The following ZNF577 variants were observed in gnomAD, a reference collection of about 807,000 sequenced individuals.
The protein encoded by ZNF577 is zinc finger protein 577.
Under a neutral mutation model 13.9 loss-of-function variants are expected in ZNF577, and 14 were observed. The observed-to-expected ratio is 1.00, with a 90% CI of 0.66 to 1.57. ZNF577 has a LOEUF of 1.57. Ranked by LOEUF, ZNF577 falls within the 40% of genes most tolerant of loss-of-function variation. The pLI is 0.00. For synonymous variants in ZNF577, 203 were observed against 202.9 expected (o/e 1.00, Z 0.00); for missense variants, 555 against 579.2 (o/e 0.96, Z 0.43).
intron 3 of ZNF577, 187 bp from the exon 4 acceptor site, chr19:51,878,702 T>C (rs1007841446): frequency 2.2e-5 from 12 of 551,618 alleles, no homozygotes; most frequent in East Asian, 8.9e-5. Context: ...AGTACTAGCA[T>C]AGATATGAAA....
intron 9 of ZNF577, among the ~76,000 whole-genome samples, chr19:51,831,507 T>C (rs888530697): frequency 6.7e-5 from 10 of 149,722 alleles, no homozygotes; most frequent in African/African-American, 2.6e-4. Context: ...TCCTGTCCAC[T>C]ACCACCTGAC....
At chr19:51,859,851 G>A (rs10402988) in intron 5 of ZNF577, among the ~76,000 whole-genome samples, 40,732 of 151,784 alleles carry the variant, frequency 0.27, 7,712 homozygotes, top group African/African-American at 0.53. Flanking sequence ...TTGTTTCTTC[G>A]TGTAATTCCA....
chr19:51,845,782 G>A (rs1255547570), intron 5 of ZNF577, among the ~76,000 whole-genome samples: 1 of 152,158 alleles, frequency 6.6e-6, no homozygotes, highest in African/African-American at 2.4e-5. Flanking sequence ...GTTCATCTAT[G>A]TTGTCACCAA....
chr19:51,844,206 T>C (rs1206941153), intron 6 of ZNF577, among the ~76,000 whole-genome samples: 1 of 152,170 alleles, frequency 6.6e-6, no homozygotes, highest in Non-Finnish European at 1.5e-5. Context: ...ATTAACATAA[T>C]AATCTGCACA....
chr19:51,863,285 C>T (rs1228449513), downstream of ZNF577: 2 of 152,196 alleles, frequency 1.3e-5, no homozygotes, highest in African/African-American at 4.8e-5. Context: ...CAAGCTCTGA[C>T]TTCTGGATGT....
rs764990229 is a variant in ZNF577 at position 51,873,179 on chromosome 19, CAT to C, written c.809_810del (p.Tyr270TrpfsTer26). On this transcript the variant is annotated frameshift_variant, in exon 6 of 6. Coordinates refer to ENST00000638348, the MANE Select transcript of ZNF577 (RefSeq NM_001370449.1). LOFTEE classifies it low-confidence loss of function (END_TRUNC). The stretch of plus-strand genomic sequence containing the variant: ...AAGGCTTTCCCACACACACTGCACC[CAT>C]AGAGTTTCTCTCCAGTATGTGATCG... ...HQRSHTGEKL[Y>X]GCSVCGKAFS... 1.2e-6 allele frequency: 2 copies of C among 1,614,110 alleles called. No individual in the cohort carries two copies. Among genetic ancestry groups the C allele is most frequent in the South Asian group, 1.1e-5 (1 of 91,074 alleles).
Position 51,873,109 on chromosome 19 carries a change from C to A in ZNF577, c.881G>T (p.Gly294Val). 1 of 1,614,224 alleles carries A rather than the reference C, an allele frequency of 6.2e-7. No individual in the cohort carries two copies. Among genetic ancestry groups the A allele is most frequent in the Non-Finnish European group, 8.5e-7 (1 of 1,180,034 alleles). Residue 294 changes from glycine to valine, a missense_variant, in exon 6 of 6, where the codon GGA becomes GTA. Coordinates refer to ENST00000638348, the MANE Select transcript of ZNF577 (RefSeq NM_001370449.1). ...ATCACTGCATTTATAAGGCTTATCTCCTGTGTGAAGTCTCTGGTGTGCAGT... is the reference window on the plus strand; with the variant it reads ...ATCACTGCATTTATAAGGCTTATCTACTGTGTGAAGTCTCTGGTGTGCAGT... Reference protein sequence around the residue: ...YLTAHQRLHTGDKPYKCSDCG... With the variant: ...YLTAHQRLHTVDKPYKCSDCG...
intron 9 of ZNF577, chr19:51,817,825 C>A (rs1289078654): frequency 6.6e-6 from 1 of 152,198 alleles, no homozygotes; most frequent in Non-Finnish European, 1.5e-5. Context: ...AGAAAAGGAA[C>A]TCAGCTAGTG....
intron 2 of ZNF577, 30 bp downstream of exon 2, chr19:51,880,649 A>G: frequency 2.1e-6 from 1 of 486,512 alleles, no homozygotes. Context: ...ATTGGGAAAC[A>G]AACGACAAAA....
chr19:51,808,530 A>G (rs1361039571), intron 10 of ZNF577, among the ~76,000 whole-genome samples: 1 of 152,240 alleles, frequency 6.6e-6, no homozygotes, highest in Non-Finnish European at 1.5e-5. Flanking sequence ...ATGCTGACAT[A>G]GCGTAAGACT....
Position 51,870,038 on chromosome 19 carries a change from C to G in ZNF577, c.*2494G>C, listed in dbSNP as rs1304459653. On this transcript the variant is annotated 3_prime_UTR_variant, in exon 6 of 6. Transcript: ENST00000638348. The stretch of plus-strand genomic sequence containing the variant: ...TGGTAATTGCCTCCTTCTGGTCCCT[C>G]CCTGGGAGGATTAACATCCTAGGGG... Among the ~76,000 whole-genome samples the G allele has an allele frequency of 6.6e-6, 1 of 152,186 alleles. No individual in the cohort carries two copies. The highest frequency in any genetic ancestry group is 1.5e-5 in the Non-Finnish European group (1 of 68,020).
rs1012512517 is a variant in ZNF577, at chr19:51,869,043, G to A, written c.*3489C>T. 7.2e-5 allele frequency among the ~76,000 whole-genome samples: 11 copies of A among 152,202 alleles called. No individual in the cohort carries two copies. Among genetic ancestry groups the A allele is most frequent in the African/African-American group, 2.2e-4 (9 of 41,454 alleles). ...CTCTGCCCAAGAAAGCCTGGGTATCGTCCAAGGTTTCTCCCCACTGAGACA... is the reference window on the plus strand; with the variant it reads ...CTCTGCCCAAGAAAGCCTGGGTATCATCCAAGGTTTCTCCCCACTGAGACA... On this transcript the variant is annotated 3_prime_UTR_variant, in exon 6 of 6. Transcript: ENST00000638348.
intron 9 of ZNF577, among the ~76,000 whole-genome samples, chr19:51,813,119 A>AACACACACACACAC (rs35245083): frequency 1.3e-4 from 18 of 137,120 alleles, no homozygotes; most frequent in Non-Finnish European, 1.3e-4. Flanking sequence ...GCTCTGTCTC[A>AACACACACACACAC]ACACACACAC....
intron 5 of ZNF577, chr19:51,861,079 T>C: frequency 2.7e-6 from 1 of 376,258 alleles, no homozygotes; most frequent in Non-Finnish European, 5.0e-6. Context: ...TAATAAACTT[T>C]TTTGACAATC....
rs1236206596 is a variant in ZNF577 at position 51,869,741 on chromosome 19, C to T, written c.*2791G>A. On this transcript the variant is annotated 3_prime_UTR_variant, in exon 6 of 6. Coordinates refer to ENST00000638348, the MANE Select transcript of ZNF577 (RefSeq NM_001370449.1). ...CCAAAGGCAGATGTGTGCCAGAAAC[C>T]CCTACAGGGGCTAAACAGTCAAGAC... Among the ~76,000 whole-genome samples, 1 of 152,154 alleles carries T rather than the reference C, an allele frequency of 6.6e-6. No individual in the cohort carries two copies. The highest frequency in any genetic ancestry group is 1.5e-5 in the Non-Finnish European group (1 of 68,030).
rs1380845317 is a variant in ZNF577, at chr19:51,857,361, GGAAGGAAAGAAAGAAAGAAA to G, written c.284-12450_284-12431del. Among the ~76,000 whole-genome samples the G allele has an allele frequency of 3.6e-4, 25 of 69,162 alleles. 1 individual carries two copies. The highest frequency in any genetic ancestry group is 1.3e-3 in the African/African-American group (23 of 17,480). 45.4% of individuals were successfully genotyped at this position (69,162 alleles called of 152,430 possible). A position where few individuals can be genotyped will look rare whatever the true frequency, so the allele number is the denominator to read the frequency against. ...GAGAAAGAAAGAGAGAAAGAAAGAA[GGAAGGAAAGAAAGAAAGAAA>G]GAAAGAAAGAAAGAAAGAAAGAAAG... On this transcript the variant is annotated intron_variant and NMD_transcript_variant, in intron 5 of 10. Coordinates refer to the ZNF577 transcript ENST00000638827.
Position 51,880,808 on chromosome 19 carries a change from T to C in ZNF577, c.-149A>G, listed in dbSNP as rs8100716. On this transcript the variant is annotated 5_prime_UTR_variant, in exon 2 of 6. Transcript: ENST00000638348. ...TCTCAGGTCAAGCTACCACTGGAAA[T>C]GATGATCTTCCCCAGCCTGGAAGCT... The C allele has an allele frequency of 0.22, 35,182 of 162,012 alleles. 4,767 individuals are homozygous for C. The highest frequency in any genetic ancestry group is 0.41 in the South Asian group (2,264 of 5,574). The allele number at this position is 162,012 out of a possible 1,614,324, so 10.0% of individuals were successfully genotyped here.
intron 5 of ZNF577, among the ~76,000 whole-genome samples, chr19:51,875,202 C>CAA (rs67698248): frequency 6.6e-6 from 1 of 150,754 alleles, no homozygotes; most frequent in African/African-American, 2.4e-5. Context: ...ACTAAAAATA[C>CAA]AAAAAAAAGG....
intron 9 of ZNF577, among the ~76,000 whole-genome samples, chr19:51,833,630 CACTTAATCT>C (rs995232441): frequency 6.6e-6 from 1 of 152,110 alleles, no homozygotes; most frequent in African/African-American, 2.4e-5. Context: ...TTAGACTTGG[CACTTAATCT>C]ACTGAGAGGA....
Sources: allele counts gnomAD v4.1 joint callset (sites outside exome capture counted in the v4.1 genomes callset), GRCh38; gene constraint gnomAD v4.1.1; transcripts MANE v1.5; gene names NCBI Gene and HGNC (gene_info 2026-07-23, HGNC 2026-07-21).